CDH12: variants seen among roughly 807,000 people sequenced by gnomAD.
The protein encoded by CDH12 is cadherin 12, also known as cadherin-12.
Under a neutral mutation model 74.1 loss-of-function variants are expected in CDH12, and 41 were observed. That is an observed-to-expected ratio of 0.55 (90% CI 0.43 to 0.72). The LOEUF is 0.72. Among genes scored for constraint, CDH12 ranks in the 30% least tolerant of loss-of-function variants. The pLI is 0.00. For missense variants in CDH12, 945 were observed against 977.2 expected (o/e 0.97, Z 0.44); for synonymous variants, 399 against 355.0 (o/e 1.12, Z -1.39).
intron 3 of CDH12, among the ~76,000 whole-genome samples, chr5:22,280,549 C>T (rs188673772): frequency 9.2e-5 from 14 of 152,150 alleles, no homozygotes; most frequent in East Asian, 5.8e-4. Flanking sequence ...ATATCACCAC[C>T]GATCCCACAG....
chr5:21,903,658 G>A (rs1219261970), intron 6 of CDH12, among the ~76,000 whole-genome samples: 6 of 152,054 alleles, frequency 3.9e-5, no homozygotes, highest in Non-Finnish European at 8.8e-5. Context: ...AACTCCAACA[G>A]CCAGGTTTAT....
chr5:22,681,733 T>C (rs965951260), intron 1 of CDH12, among the ~76,000 whole-genome samples: 2 of 152,060 alleles, frequency 1.3e-5, no homozygotes, highest in Non-Finnish European at 2.9e-5. Context: ...ATCTGAAACA[T>C]TGTGATTGTT....
intron 3 of CDH12, among the ~76,000 whole-genome samples, chr5:22,352,783 T>C (rs929793491): frequency 1.6e-4 from 25 of 152,158 alleles, no homozygotes; most frequent in South Asian, 1.2e-3. Context: ...ATATGGACAT[T>C]ATACTGGAAC....
At chr5:21,800,809 T>A (rs376037530) in intron 10 of CDH12, among the ~76,000 whole-genome samples, 1 of 152,172 alleles carries the variant, frequency 6.6e-6, no homozygotes, top group Admixed American at 6.5e-5. Context: ...AGTGAGTTCT[T>A]ACAAAATCTG....
intron 1 of CDH12, among the ~76,000 whole-genome samples, chr5:22,534,354 C>T (rs1187686730): frequency 6.6e-6 from 1 of 152,144 alleles, no homozygotes; most frequent in Non-Finnish European, 1.5e-5. Flanking sequence ...TCACCCCCTT[C>T]CCACACTTCC....
intron 10 of CDH12, among the ~76,000 whole-genome samples, chr5:21,797,270 C>G (rs138688146): frequency 2.0e-5 from 3 of 152,156 alleles, no homozygotes; most frequent in African/African-American, 7.2e-5. Flanking sequence ...ATATCTTGCA[C>G]AATAACTCTG....
Position 21,872,990 on chromosome 5 carries a change from T to G in CDH12, c.527-18200A>C, listed in dbSNP as rs566642280. Among the ~76,000 whole-genome samples, 129 of 152,156 alleles carry G rather than the reference T, an allele frequency of 8.5e-4. 2 individuals carry two copies. In the South Asian group the frequency reaches 0.026, roughly 31 times the overall value. ...TAAGTAAAAGAAAAAAACATACATA[T>G]GTGTATTATATATATGCATATATAG... On this transcript the variant is annotated intron_variant, in intron 6 of 14. Transcript: ENST00000382254.
At chr5:22,307,057 T>C (rs1460330082) in intron 3 of CDH12, among the ~76,000 whole-genome samples, 1 of 152,170 alleles carries the variant, frequency 6.6e-6, no homozygotes, top group Non-Finnish European at 1.5e-5. Flanking sequence ...TATAGCTCTA[T>C]GGGGTAAAGC....
At chr5:22,615,285 C>T (rs1244686181) in intron 1 of CDH12, among the ~76,000 whole-genome samples, 1 of 151,976 alleles carries the variant, frequency 6.6e-6, no homozygotes, top group Admixed American at 6.6e-5. Flanking sequence ...AAGGTAATCA[C>T]AGTTGTTATT....
At chr5:22,077,648 T>G (rs1322664985) in intron 5 of CDH12, among the ~76,000 whole-genome samples, 1 of 152,130 alleles carries the variant, frequency 6.6e-6, no homozygotes, top group Non-Finnish European at 1.5e-5. Flanking sequence ...GAAATTTTTT[T>G]TTGGTGTGGT....
At chr5:22,635,259 C>T (rs1202256456) in intron 1 of CDH12, among the ~76,000 whole-genome samples, 2 of 152,204 alleles carry the variant, frequency 1.3e-5, no homozygotes, top group African/African-American at 2.4e-5. Context: ...ATTTTCTTTT[C>T]GACAGTGAGT....
chr5:21,755,439 A>T, intron 14 of CDH12, 152 bp downstream of exon 14: 1 of 631,312 alleles, frequency 1.6e-6, no homozygotes, highest in Non-Finnish European at 2.7e-6. Context: ...ATTTAATTCA[A>T]TACACATAGA....
At chr5:21,905,138 G>T (rs777682429) in intron 6 of CDH12, among the ~76,000 whole-genome samples, 1 of 152,202 alleles carries the variant, frequency 6.6e-6, no homozygotes. Context: ...AGTGGGTGCC[G>T]TAGAGCACAG....
At chr5:22,476,997 C>T (rs1260987303) in intron 2 of CDH12, among the ~76,000 whole-genome samples, 2 of 152,030 alleles carry the variant, frequency 1.3e-5, no homozygotes, top group Non-Finnish European at 2.9e-5. Context: ...ATCAATAGGC[C>T]TTTTTTCTTG....
At chr5:22,010,753 C>T (rs1199660123) in intron 5 of CDH12, among the ~76,000 whole-genome samples, 3 of 152,102 alleles carry the variant, frequency 2.0e-5, no homozygotes. Context: ...TCAGTCATCT[C>T]GACTATTTAA....
intron 6 of CDH12, among the ~76,000 whole-genome samples, chr5:21,868,135 G>C (rs1751429856): frequency 6.6e-6 from 1 of 151,590 alleles, no homozygotes; most frequent in Non-Finnish European, 1.5e-5. Flanking sequence ...CAGCCATGTG[G>C]AACTGTGAGT....
chr5:22,342,602 TCTTA>T (rs980172674), intron 3 of CDH12, among the ~76,000 whole-genome samples: 8 of 129,628 alleles, frequency 6.2e-5, no homozygotes, highest in Admixed American at 3.9e-4. Flanking sequence ...TTTCTCTCTT[TCTTA>T]CTTTTTTCTT....
At chr5:22,587,365 A>T (rs928887743) in intron 1 of CDH12, among the ~76,000 whole-genome samples, 5 of 152,102 alleles carry the variant, frequency 3.3e-5, no homozygotes, top group African/African-American at 9.7e-5. Flanking sequence ...GTTCTTTATA[A>T]TTACCTAGTC....
intron 2 of CDH12, among the ~76,000 whole-genome samples, chr5:22,422,395 A>C (rs1292672982): frequency 6.6e-6 from 1 of 152,146 alleles, no homozygotes; most frequent in Non-Finnish European, 1.5e-5. Flanking sequence ...CGCATTTATT[A>C]ATTTGCATAT....
Sources: gnomAD v4.1 joint callset for allele counts (sites outside exome capture counted in the v4.1 genomes callset) on GRCh38, gnomAD v4.1.1 for gene constraint, MANE v1.5 for transcripts, NCBI Gene and HGNC (gene_info 2026-07-23, HGNC 2026-07-21) for gene names.